HYDIN: variants seen among roughly 807,000 people sequenced by gnomAD.
HYDIN encodes the protein HYDIN axonemal central pair apparatus protein, also known as axonemal central pair apparatus protein HYDIN.
A neutral mutation model predicts 403.9 loss-of-function variants in HYDIN; 132 were observed. The ratio of observed to expected loss-of-function variants is 0.33; its 90% CI spans 0.28 to 0.38. The LOEUF is 0.38. Ranked by LOEUF, HYDIN falls within the 10% of genes least tolerant of loss-of-function variation. The pLI, the probability that HYDIN is intolerant of heterozygous loss-of-function variation, is 1.00. For missense variants in HYDIN, 2,827 were observed against 5,009.5 expected, an observed-to-expected ratio of 0.56 and a Z score of 13.15; for synonymous variants, 1,202 against 1,891.7, an observed-to-expected ratio of 0.64 and a Z score of 9.46.
chr16:71,158,681 T>G (rs965099855), intron 6 of HYDIN, among the ~76,000 whole-genome samples: 6 of 139,734 alleles, frequency 4.3e-5, no homozygotes, highest in African/African-American at 8.6e-5. Flanking sequence ...AAAAGATGGT[T>G]TTTTTTTTTT....
At chr16:71,184,682 T>G (rs1247550262) in intron 3 of HYDIN, among the ~76,000 whole-genome samples, 183 bp downstream of exon 3, 2 of 152,188 alleles carry the variant, frequency 1.3e-5, no homozygotes, top group African/African-American at 4.8e-5. Flanking sequence ...AAAAGAGGTT[T>G]GCACTTGCAG....
chr16:70,989,433 T>C (rs2079275707), intron 25 of HYDIN, among the ~76,000 whole-genome samples: 1 of 152,152 alleles, frequency 6.6e-6, no homozygotes. Flanking sequence ...ACATACTCAT[T>C]CTAAAAAATT....
chr16:71,186,399 G>A lies in HYDIN; in HGVS notation c.135+362C>T, dbSNP rs377732756. On this transcript the variant is annotated intron_variant, in intron 2 of 85. Transcript: ENST00000393567. The stretch of plus-strand genomic sequence containing the variant: ...AAAAATTACTCTTGCCAATCGGTAG[G>A]TAGTAAATAATTAGGTTGAATCCTA... Among the ~76,000 whole-genome samples, 6 of 152,190 alleles carry A rather than the reference G, an allele frequency of 3.9e-5. No individual in the cohort carries two copies. In the South Asian group the frequency reaches 1.2e-3, roughly 32 times the overall value.
intron 5 of HYDIN, among the ~76,000 whole-genome samples, chr16:71,173,554 C>T (rs1335088464): frequency 1.3e-5 from 2 of 152,178 alleles, no homozygotes; most frequent in South Asian, 2.1e-4. Flanking sequence ...AAATTTAAAA[C>T]ATGCACAAAG....
chr16:71,061,509 A>C (rs1216867078), intron 17 of HYDIN, among the ~76,000 whole-genome samples: 2 of 152,256 alleles, frequency 1.3e-5, no homozygotes, highest in East Asian at 3.8e-4. Flanking sequence ...CCTTCAACTC[A>C]GCCTAAGCAG....
At position 70,941,726 on chromosome 16, in the gene HYDIN, T is replaced by A; in HGVS notation, c.6763A>T (p.Ile2255Phe). 2 of 1,594,988 alleles carry A rather than the reference T, an allele frequency of 1.3e-6. No individual in the cohort carries two copies. Among genetic ancestry groups the A allele is most frequent in the Admixed American group, 3.5e-5 (2 of 56,616 alleles). ...ATGTATATATGCTCCCGGCTGCCAA[T>A]GGCCTTCAGCAGGCAGAGGAGGGCG... is the stretch of plus-strand genomic sequence containing the variant. ...AAALLCLLKA[I>F]GSREHIYILN... Residue 2255 changes from isoleucine to phenylalanine, a missense_variant, in exon 43 of 86, where the codon ATT (isoleucine) becomes TTT (phenylalanine). Ile to Phe is a conservative substitution (Grantham distance 21). Transcript: ENST00000393567.
chr16:71,098,733 TA>T lies in HYDIN; in HGVS notation c.1328-4799del, dbSNP rs56001948. Among the ~76,000 whole-genome samples the T allele has an allele frequency of 5.0e-3, 641 of 128,160 alleles. 1 individual carries two copies. The highest frequency in any genetic ancestry group is 7.0e-3 in the South Asian group (28 of 4,018). The allele number at this position is 128,160 out of a possible 152,430, so 84.1% of individuals were successfully genotyped here. ...CATCTGTTACCTTGACTGCCTTTCT[TA>T]AAAAAAAAAAAAAAAAAAAAAAGGA... On this transcript the variant is annotated intron_variant, in intron 10 of 85. Coordinates refer to ENST00000393567, the MANE Select transcript of HYDIN (RefSeq NM_001270974.2).
At chr16:71,006,825 A>G (rs921963069) in intron 23 of HYDIN, among the ~76,000 whole-genome samples, 21 of 152,126 alleles carry the variant, frequency 1.4e-4, no homozygotes, top group Non-Finnish European at 2.9e-4. Context: ...TTCACTGGGT[A>G]ATATTTGCAA....
At chr16:70,951,740 AAT>A (rs1271615820) in intron 41 of HYDIN, among the ~76,000 whole-genome samples, 10 of 143,402 alleles carry the variant, frequency 7.0e-5, no homozygotes, top group Non-Finnish European at 1.4e-4. Flanking sequence ...CTTTTCTGAG[AAT>A]GGACTCTCCT....
intron 18 of HYDIN, among the ~76,000 whole-genome samples, chr16:71,040,499 C>A (rs1174515026): frequency 3.3e-4 from 49 of 147,322 alleles, no homozygotes; most frequent in African/African-American, 7.7e-4. Context: ...CCCCCTCCCC[C>A]CCACACACAC....
chr16:71,026,195 C>T (rs558915171), intron 20 of HYDIN, among the ~76,000 whole-genome samples: 18 of 152,372 alleles, frequency 1.2e-4, no homozygotes, highest in South Asian at 8.3e-4. Context: ...CCACCGTGCC[C>T]GGCCAAATTT....
intron 55 of HYDIN, 39 bp downstream of exon 55, chr16:70,894,410 C>G (rs370686308): frequency 6.2e-7 from 1 of 1,610,930 alleles, no homozygotes; most frequent in Non-Finnish European, 8.5e-7. Context: ...CTCCCCACGG[C>G]GGACTTGATG....
At chr16:71,149,823 C>T (rs1200418792) in intron 7 of HYDIN, among the ~76,000 whole-genome samples, 1 of 151,806 alleles carries the variant, frequency 6.6e-6, no homozygotes, top group African/African-American at 2.4e-5. Context: ...CCACCGCAGT[C>T]GGCTGAGAAA....
Position 71,133,386 on chromosome 16 carries a change from C to G in HYDIN, c.1044-3563G>C, listed in dbSNP as rs1325230205. 8.0e-6 allele frequency: 3 copies of G among 376,138 alleles called. 1 individual carries two copies. The highest frequency in any genetic ancestry group is 7.4e-5 in the Admixed American group (2 of 27,052). The allele number at this position is 376,138 out of a possible 1,614,324, so 23.3% of individuals were successfully genotyped here. The stretch of plus-strand genomic sequence containing the variant: ...ATCCTCTCCCTGTTTGGCAGTACCA[C>G]GTAAATCTTCGGATTTTTGTATAAA... On this transcript the variant is annotated intron_variant, in intron 8 of 85. Coordinates refer to ENST00000393567, the MANE Select transcript of HYDIN (RefSeq NM_001270974.2).
chr16:70,878,149 T>C (rs2040559626), intron 62 of HYDIN, among the ~76,000 whole-genome samples: 1 of 152,254 alleles, frequency 6.6e-6, no homozygotes, highest in Admixed American at 6.5e-5. Flanking sequence ...GCTGTTCTCC[T>C]GATAGTGAAT....
chr16:70,971,914 T>C (rs2078744088), intron 35 of HYDIN, among the ~76,000 whole-genome samples: 1 of 152,186 alleles, frequency 6.6e-6, no homozygotes. Context: ...ATGATGCAGA[T>C]ATATGGATCG....
In HYDIN at chr16:70,938,702, C is replaced by A. The variant is rs763192633; in HGVS notation, c.6907G>T (p.Asp2303Tyr). 7 of 1,614,136 alleles carry A rather than the reference C, an allele frequency of 4.3e-6. No homozygotes were observed. The Admixed American group carries it at 1.2e-4, about 27-fold the overall frequency. ...EKEKERLQNM[D>Y]EEEYDALTEE... ...GTCAGGGCATCATATTCTTCCTCAT[C>A]CATGTTTTGGAGACGCTCCTTCTCT... The change falls in exon 44 of 86, where the codon GAT (aspartate) becomes TAT (tyrosine). Residue 2303 changes from aspartate (D) to tyrosine (Y), a missense_variant. Asp to Tyr is a radical substitution (Grantham distance 160). Coordinates refer to ENST00000393567, the MANE Select transcript of HYDIN (RefSeq NM_001270974.2).
At chr16:70,842,950 T>G (rs1251097929) in intron 75 of HYDIN, among the ~76,000 whole-genome samples, 1 of 151,988 alleles carries the variant, frequency 6.6e-6, no homozygotes, top group East Asian at 1.9e-4. Context: ...GCAAGGAAGA[T>G]TACAATTAAC....
chr16:71,010,760 A>G (rs2080055685), intron 23 of HYDIN, among the ~76,000 whole-genome samples: 1 of 152,114 alleles, frequency 6.6e-6, no homozygotes, highest in Admixed American at 6.5e-5. Context: ...CAATAAAGTA[A>G]TGCTTATTCT....
Sources: gnomAD v4.1 joint callset for allele counts (sites outside exome capture counted in the v4.1 genomes callset) on GRCh38, gnomAD v4.1.1 for gene constraint, MANE v1.5 for transcripts, NCBI Gene and HGNC (gene_info 2026-07-23, HGNC 2026-07-21) for gene names.